TUBGCP5: variants seen among roughly 807,000 people sequenced by gnomAD.
TUBGCP5 encodes tubulin gamma complex component 5.
Under a neutral mutation model 134.7 loss-of-function variants are expected in TUBGCP5, and 98 were observed. That is an observed-to-expected ratio of 0.73 (90% confidence interval 0.62 to 0.86). The LOEUF (loss-of-function observed/expected upper bound fraction) is 0.86, where lower values mean the gene tolerates loss of function less well. Ranked by LOEUF, TUBGCP5 falls within the 40% of genes least tolerant of loss-of-function variation. The pLI is 0.00. For missense variants in TUBGCP5, 1,150 were observed against 1,244.8 expected (o/e 0.92, Z 1.15); for synonymous variants, 456 against 431.4 (o/e 1.06, Z -0.71).
chr15:23,018,070 CTT>C, intron 12 of TUBGCP5, 29 bp from the exon 13 acceptor site: 1 of 1,567,462 alleles, frequency 6.4e-7, no homozygotes, highest in South Asian at 1.2e-5. Flanking sequence ...ATTTTAAACT[CTT>C]ATTTCTCTTT....
chr15:23,029,049 T>A (rs1440193877), intron 6 of TUBGCP5, among the ~76,000 whole-genome samples: 1 of 152,108 alleles, frequency 6.6e-6, no homozygotes, highest in Non-Finnish European at 1.5e-5. Flanking sequence ...ATAACATATG[T>A]AGAAATTAAC....
intron 23 of TUBGCP5, among the ~76,000 whole-genome samples, chr15:22,989,686 A>G (rs556524600): frequency 2.0e-5 from 3 of 152,244 alleles, no homozygotes; most frequent in East Asian, 3.9e-4. Context: ...AACCAGGAGG[A>G]ACTTTAATTC....
downstream of TUBGCP5, among the ~76,000 whole-genome samples, chr15:22,997,382 A>G (rs1474667884): frequency 6.6e-6 from 1 of 151,144 alleles, no homozygotes; most frequent in Non-Finnish European, 1.5e-5. Flanking sequence ...GTTTCCCCAT[A>G]TTGGTCAGGC....
At chr15:23,030,601 TAAA>T (rs10632423) in intron 6 of TUBGCP5, among the ~76,000 whole-genome samples, 10 of 119,504 alleles carry the variant, frequency 8.4e-5, no homozygotes, top group Non-Finnish European at 8.8e-5. Context: ...CTTCTCCAAT[TAAA>T]AAAAAAAAAA....
chr15:22,992,031 G>GTCTGGTC (rs1260869360), intron 23 of TUBGCP5, among the ~76,000 whole-genome samples: 6 of 152,142 alleles, frequency 3.9e-5, no homozygotes, highest in African/African-American at 1.4e-4. Context: ...AAGTGGGGAG[G>GTCTGGTC]TCTGGTCTCT....
At chr15:23,019,798 CAAAAAGAAAAA>C (rs1301879866) in intron 11 of TUBGCP5, among the ~76,000 whole-genome samples, 1 of 144,542 alleles carries the variant, frequency 6.9e-6, no homozygotes, top group Non-Finnish European at 1.5e-5. Flanking sequence ...TGTCTCAAAA[CAAAAAGAAAAA>C]AAAAAGAAAA....
At chr15:22,986,133 C>CAAAAA (rs35699215) in intron 23 of TUBGCP5, among the ~76,000 whole-genome samples, 69 of 114,092 alleles carry the variant, frequency 6.0e-4, no homozygotes, top group Middle Eastern at 4.7e-3. Context: ...GACTCTGTCT[C>CAAAAA]AAAAAAAAAA....
intron 23 of TUBGCP5, among the ~76,000 whole-genome samples, chr15:22,990,207 C>G (rs1273979772): frequency 6.6e-6 from 1 of 152,056 alleles, no homozygotes; most frequent in Non-Finnish European, 1.5e-5. Flanking sequence ...GAGATGGCCC[C>G]ATATCCATCA....
At chr15:23,002,959 T>C in intron 21 of TUBGCP5, 106 bp downstream of exon 21, 1 of 1,084,418 alleles carries the variant, frequency 9.2e-7, no homozygotes, top group African/African-American at 1.6e-5. Context: ...CAAGCAATCC[T>C]CTCCTCTCAG....
At position 23,003,632 on chromosome 15, in the gene TUBGCP5, G is replaced by GTTTT. The variant is rs531926227; in HGVS notation, c.2838+466_2838+469dup. Among the ~76,000 whole-genome samples, 73 of 88,668 alleles carry GTTTT rather than the reference G, an allele frequency of 8.2e-4. 1 individual carries two copies. Among genetic ancestry groups the GTTTT allele is most frequent in the East Asian group, 3.9e-3 (15 of 3,824 alleles). The allele number at this position is 88,668 out of a possible 152,430, so 58.2% of individuals were successfully genotyped here. On this transcript the variant is annotated intron_variant, in intron 20 of 22. Transcript: ENST00000615383. ...CTACGAATAGGGCACTCCTCCTTCTGTTTTTTTTTTTTTTTTTTTTTTTTT... is the reference window on the plus strand; with the variant it reads ...CTACGAATAGGGCACTCCTCCTTCTGTTTTTTTTTTTTTTTTTTTTTTTTTTTTT...
At position 23,036,912 on chromosome 15, in the gene TUBGCP5, A is replaced by G; in HGVS notation, c.294T>C (p.Ser98=). The change falls in exon 3 of 23, where the codon AGT becomes AGC. Residue 98 remains serine (S), a synonymous_variant. Coordinates refer to ENST00000615383, the MANE Select transcript of TUBGCP5 (RefSeq NM_052903.6). ...GAAGGCATACCTTTATTTCCTTTATACTGGGAAGTGGTGCATTTAGAAATT... is the reference window on the plus strand; with the variant it reads ...GAAGGCATACCTTTATTTCCTTTATGCTGGGAAGTGGTGCATTTAGAAATT... The part of the protein sequence containing the change: ...TEEFLNAPLP[S]IKEIKTDAHY... 1 of 1,607,676 alleles carries G rather than the reference A, an allele frequency of 6.2e-7. No individual in the cohort carries two copies. The highest frequency in any genetic ancestry group is 8.5e-7 in the Non-Finnish European group (1 of 1,174,720).
intron 3 of TUBGCP5, among the ~76,000 whole-genome samples, chr15:23,034,144 T>C (rs1433587069): frequency 3.3e-5 from 5 of 152,194 alleles, no homozygotes; most frequent in Non-Finnish European, 7.3e-5. Context: ...GCGCAAACAG[T>C]GTGACTGAAG....
At position 22,989,035 on chromosome 15, in the gene TUBGCP5, C is replaced by T. The variant is rs1219030818; in HGVS notation, c.*62-5424G>A. Among the ~76,000 whole-genome samples, 11 of 152,118 alleles carry T rather than the reference C, an allele frequency of 7.2e-5. No individual in the cohort carries two copies. In the East Asian group the frequency reaches 9.7e-4, roughly 13 times the overall value. On this transcript the variant is annotated intron_variant and NMD_transcript_variant, in intron 23 of 23. Transcript: ENST00000614508. ...TGGCTCTGCCCTCAGGCTGCCCTGG[C>T]CTCACACCTTTCTCTGACACTGTGC...
At chr15:22,997,972 TAGTA>T (rs1053607364), downstream of TUBGCP5, among the ~76,000 whole-genome samples, 7 of 151,956 alleles carry the variant, frequency 4.6e-5, no homozygotes, top group African/African-American at 1.7e-4. Flanking sequence ...AAAAATTTAA[TAGTA>T]AGCATAATTC....
At chr15:22,998,989 G>A (rs1307699782), downstream of TUBGCP5, among the ~76,000 whole-genome samples, 1 of 152,078 alleles carries the variant, frequency 6.6e-6, no homozygotes, top group Non-Finnish European at 1.5e-5. Flanking sequence ...TAAACTGCTG[G>A]CCTCAAGGAA....
At chr15:23,019,374 C>A (rs760546427) in intron 11 of TUBGCP5, 40 bp from the exon 12 acceptor site, 1 of 1,374,048 alleles carries the variant, frequency 7.3e-7, no homozygotes, top group East Asian at 2.3e-5. Flanking sequence ...TCAGGGTTCC[C>A]TGGTCACTAG....
chr15:23,016,567 A>T (rs1166104171), intron 13 of TUBGCP5, among the ~76,000 whole-genome samples: 1 of 152,056 alleles, frequency 6.6e-6, no homozygotes, highest in Admixed American at 6.6e-5. Context: ...ATGGCCAAGA[A>T]ATAGATGAAA....
chr15:22,993,292 G>A (rs1595788752), intron 23 of TUBGCP5, among the ~76,000 whole-genome samples: 2 of 151,986 alleles, frequency 1.3e-5, no homozygotes, highest in South Asian at 4.1e-4. Context: ...TAGAGACAGG[G>A]TTTCACCATG....
chr15:22,985,467 C>T (rs1231818967), intron 23 of TUBGCP5, among the ~76,000 whole-genome samples: 1 of 152,110 alleles, frequency 6.6e-6, no homozygotes, highest in Non-Finnish European at 1.5e-5. Flanking sequence ...ATCCGCCTGC[C>T]TCGGCCTCCC....
Sources: allele counts gnomAD v4.1 joint callset (sites outside exome capture counted in the v4.1 genomes callset), GRCh38; gene constraint gnomAD v4.1.1; transcripts MANE v1.5; gene names NCBI Gene and HGNC (gene_info 2026-07-23, HGNC 2026-07-21).